PLEKHA6: variants seen among roughly 807,000 people sequenced by gnomAD.
The protein encoded by PLEKHA6 is pleckstrin homology domain-containing family A member 6.
PLEKHA6 carries 60 observed loss-of-function variants against 116.7 expected under a neutral mutation model. The observed-to-expected ratio is 0.51, with a 90% CI of 0.42 to 0.64. The LOEUF (loss-of-function observed/expected upper bound fraction) is 0.64. PLEKHA6 is among the 30% of genes least tolerant of loss of function. The probability of loss-of-function intolerance (pLI) is 0.00; values close to 1 mark genes in which losing one functional copy is unlikely to be tolerated. For synonymous variants in PLEKHA6, 489 were observed against 556.1 expected (o/e 0.88, Z 1.70); for missense variants, 1,338 against 1,422.7 (o/e 0.94, Z 0.96).
chr1:204,227,803 C>T (rs1181878142), intron 21 of PLEKHA6, among the ~76,000 whole-genome samples: 1 of 152,184 alleles, frequency 6.6e-6, no homozygotes, highest in African/African-American at 2.4e-5. Context: ...CAGAATGGCT[C>T]CCCATGCTCT....
At chr1:204,317,574 G>A (rs893592885) in intron 1 of PLEKHA6, among the ~76,000 whole-genome samples, 23 of 152,180 alleles carry the variant, frequency 1.5e-4, no homozygotes, top group Non-Finnish European at 1.0e-4. Flanking sequence ...AAGCCACACG[G>A]AGGAAGTCTG....
intron 1 of PLEKHA6, chr1:204,281,237 CA>C (rs1668564079): frequency 6.6e-6 from 1 of 152,064 alleles, no homozygotes; most frequent in Non-Finnish European, 1.5e-5. Flanking sequence ...AACAAACAAA[CA>C]AAAAAGGCCG....
At position 204,261,910 on chromosome 1, in the gene PLEKHA6, T is replaced by G; in HGVS notation, c.382-462A>C. 1 of 201,426 alleles carries G rather than the reference T, an allele frequency of 5.0e-6. No individual in the cohort carries two copies. Among genetic ancestry groups the G allele is most frequent in the Non-Finnish European group, 1.0e-5 (1 of 100,106 alleles). The allele number at this position is 201,426 out of a possible 1,614,324, so 12.5% of individuals were successfully genotyped here. On this transcript the variant is annotated intron_variant, in intron 6 of 22. Coordinates refer to ENST00000272203, the MANE Select transcript of PLEKHA6 (RefSeq NM_014935.5). The surrounding 1 kb of genome is among the most constrained non-coding windows in gnomAD (Gnocchi z 4.0). ...CCACGTGGAGAGACAGCCAAGCCCC[T>G]CTCTGCAGGCATGCAAAGCAGGCAC...
At chr1:204,328,143 C>T (rs1038863489) in intron 1 of PLEKHA6, among the ~76,000 whole-genome samples, 5 of 151,704 alleles carry the variant, frequency 3.3e-5, no homozygotes, top group Non-Finnish European at 7.4e-5. Context: ...AGTGCAGAGG[C>T]GTGATCTCGG....
chr1:204,302,661 G>A (rs1357173490), intron 1 of PLEKHA6, among the ~76,000 whole-genome samples: 1 of 152,168 alleles, frequency 6.6e-6, no homozygotes, highest in East Asian at 1.9e-4. Context: ...CAGATTACCT[G>A]AGGTCAGGAA....
chr1:204,298,175 G>A (rs923842075), intron 1 of PLEKHA6, among the ~76,000 whole-genome samples: 1 of 152,230 alleles, frequency 6.6e-6, no homozygotes, highest in Non-Finnish European at 1.5e-5. Context: ...CCAAGCCCTT[G>A]TCTTCTCATG....
chr1:204,219,896 G>A lies in PLEKHA6; in HGVS notation c.*2892C>T, dbSNP rs1300298820. 1 of 152,222 alleles carries A rather than the reference G, an allele frequency of 6.6e-6. No individual in the cohort carries two copies. Among genetic ancestry groups the A allele is most frequent in the Non-Finnish European group, 1.5e-5 (1 of 68,060 alleles). The allele number at this position is 152,222 out of a possible 1,614,324, so 9.4% of individuals were successfully genotyped here. On this transcript the variant is annotated 3_prime_UTR_variant, in exon 23 of 23. Coordinates refer to ENST00000272203, the MANE Select transcript of PLEKHA6 (RefSeq NM_014935.5). Reference sequence around the variant, plus strand: ...TCTGTAGGACCCTCCTTGGCCCAGAGGCTGATTTCACAGTCTGGATACCAG... The same window carrying A: ...TCTGTAGGACCCTCCTTGGCCCAGAAGCTGATTTCACAGTCTGGATACCAG...
intron 1 of PLEKHA6, chr1:204,311,802 GA>G: frequency 2.4e-6 from 1 of 422,050 alleles, no homozygotes; most frequent in Non-Finnish European, 3.2e-6. Flanking sequence ...TTTAGAGGAG[GA>G]AACTTCACAA....
At chr1:204,267,827 G>T (rs1046650541) in intron 4 of PLEKHA6, among the ~76,000 whole-genome samples, 2 of 152,180 alleles carry the variant, frequency 1.3e-5, no homozygotes, top group African/African-American at 4.8e-5. Flanking sequence ...GGCAGGCAGG[G>T]ATAGTGGCAA....
chr1:204,314,853 G>A (rs748676532), intron 1 of PLEKHA6, among the ~76,000 whole-genome samples: 3 of 152,176 alleles, frequency 2.0e-5, no homozygotes, highest in African/African-American at 7.2e-5. Context: ...GTAGGGAATA[G>A]TACTCAGGGA....
chr1:204,329,673 T>A (rs1425594173), intron 1 of PLEKHA6, among the ~76,000 whole-genome samples: 1 of 152,036 alleles, frequency 6.6e-6, no homozygotes. Flanking sequence ...CTAACTACAT[T>A]TACAGGAACT....
chr1:204,255,311 G>T (rs973415565), intron 9 of PLEKHA6, among the ~76,000 whole-genome samples: 1 of 152,020 alleles, frequency 6.6e-6, no homozygotes, highest in Non-Finnish European at 1.5e-5. Context: ...CCCTCCTCTC[G>T]CCAGAAAAAA....
In PLEKHA6 at chr1:204,261,031, G is replaced by T. The variant is rs1169173726; in HGVS notation, c.524+275C>A. Among the ~76,000 whole-genome samples, 2 of 152,220 alleles carry T rather than the reference G, an allele frequency of 1.3e-5. No homozygotes were observed. The highest frequency in any genetic ancestry group is 2.9e-5 in the Non-Finnish European group (2 of 68,044). On this transcript the variant is annotated intron_variant, in intron 7 of 22. Coordinates refer to ENST00000272203, the MANE Select transcript of PLEKHA6 (RefSeq NM_014935.5). This position sits in a 1 kb window ranked among gnomAD's most constrained non-coding sequence, Gnocchi z 4.0. ...CCGAGAAAAACCAGCAAATGACCCT[G>T]ACCTCTGGCTCCTGGCCAGACCCCA... is the stretch of plus-strand genomic sequence containing the variant.
intron 10 of PLEKHA6, 41 bp from the exon 11 acceptor site, chr1:204,249,305 G>C (rs373479321): frequency 1.1e-4 from 155 of 1,388,522 alleles, no homozygotes; most frequent in Non-Finnish European, 1.5e-4. Flanking sequence ...GAGAAAGAAG[G>C]GGATGAAGGA....
At chr1:204,288,979 C>T (rs992147824) in intron 1 of PLEKHA6, among the ~76,000 whole-genome samples, 9 of 152,102 alleles carry the variant, frequency 5.9e-5, no homozygotes, top group Non-Finnish European at 1.3e-4. Flanking sequence ...AGATAAATTC[C>T]CTCTTTATCC....
chr1:204,234,020 A>G (rs1300855964), intron 17 of PLEKHA6, among the ~76,000 whole-genome samples: 1 of 152,194 alleles, frequency 6.6e-6, no homozygotes, highest in Admixed American at 6.5e-5. Context: ...GTACCCCCAA[A>G]AAGAGATGTC....
At chr1:204,308,687 C>CTGTT (rs1671506488) in intron 1 of PLEKHA6, among the ~76,000 whole-genome samples, 1 of 81,404 alleles carries the variant, frequency 1.2e-5, no homozygotes, top group Non-Finnish European at 2.1e-5. Flanking sequence ...TTTTCTTTTT[C>CTGTT]TTTTTTTTTT....
At chr1:204,322,767 C>G (rs562717171) in intron 1 of PLEKHA6, among the ~76,000 whole-genome samples, 1 of 152,266 alleles carries the variant, frequency 6.6e-6, no homozygotes, top group East Asian at 1.9e-4. Context: ...TCTCAAAACC[C>G]AATTGTAGCT....
At chr1:204,285,632 C>T (rs770887524) in intron 1 of PLEKHA6, among the ~76,000 whole-genome samples, 8 of 152,084 alleles carry the variant, frequency 5.3e-5, no homozygotes, top group African/African-American at 1.7e-4. Flanking sequence ...CGGGCCACCA[C>T]GCTTGGCTAA....
Sources: allele counts gnomAD v4.1 joint callset (sites outside exome capture counted in the v4.1 genomes callset), GRCh38; gene constraint gnomAD v4.1.1; non-coding constraint Gnocchi (gnomAD v3.1); transcripts MANE v1.5; gene names NCBI Gene and HGNC (gene_info 2026-07-23, HGNC 2026-07-21).